C13orf42: variants seen among roughly 807,000 people sequenced by gnomAD.
C13orf42 encodes the protein uncharacterized protein C13orf42.
At chr13:51,112,433 A>G (rs1281916378), upstream of C13orf42, among the ~76,000 whole-genome samples, 1 of 152,226 alleles carries the variant, frequency 6.6e-6, no homozygotes, top group Non-Finnish European at 1.5e-5. Context: ...TGATGCAAAT[A>G]AAAACATTTT....
At chr13:51,103,832 C>A (rs1452691195) in intron 1 of C13orf42, among the ~76,000 whole-genome samples, 1 of 152,016 alleles carries the variant, frequency 6.6e-6, no homozygotes, top group East Asian at 1.9e-4. Context: ...CTAAAATGGG[C>A]AAATTCACAG....
chr13:51,136,126 G>A (rs189860451), intron 1 of C13orf42, among the ~76,000 whole-genome samples: 50 of 152,094 alleles, frequency 3.3e-4, no homozygotes, highest in African/African-American at 8.4e-4. Context: ...CCCACTGGGC[G>A]ACCCCACAAC....
chr13:51,118,587 T>G (rs1953509928), intron 1 of C13orf42, among the ~76,000 whole-genome samples: 1 of 151,932 alleles, frequency 6.6e-6, no homozygotes, highest in South Asian at 2.1e-4. Flanking sequence ...AAGGTGGTGG[T>G]TTTTTTTACA....
At chr13:51,121,944 A>T (rs1307188542) in intron 1 of C13orf42, among the ~76,000 whole-genome samples, 1 of 152,158 alleles carries the variant, frequency 6.6e-6, no homozygotes. Context: ...ATGTAAAAAG[A>T]TATTCACAAT....
At chr13:51,150,345 G>A (rs1953769126) in intron 1 of C13orf42, among the ~76,000 whole-genome samples, 2 of 152,158 alleles carry the variant, frequency 1.3e-5, no homozygotes, top group Admixed American at 6.5e-5. Flanking sequence ...TCCTACTGGG[G>A]CGACTGGGGG....
chr13:51,136,195 C>T lies in C13orf42; in HGVS notation n.137-22973G>A, dbSNP rs564287655. On this transcript the variant is annotated intron_variant and non_coding_transcript_variant, in intron 1 of 4. Coordinates refer to the C13orf42 transcript ENST00000433280. ...ACTGTGCTCCCGTTGCTGAGCTGGT[C>T]GGTGCTAGGCACTTCACTTAGATTA... Among the ~76,000 whole-genome samples, 10 of 152,264 alleles carry T rather than the reference C, an allele frequency of 6.6e-5. No homozygotes were observed. The East Asian group carries it at 1.5e-3, about 24-fold the overall frequency.
chr13:51,155,042 A>AAT (rs1040483058), intron 1 of C13orf42, among the ~76,000 whole-genome samples: 1 of 152,164 alleles, frequency 6.6e-6, no homozygotes, highest in African/African-American at 2.4e-5. Context: ...TATGTTTAGA[A>AAT]ATATATATCT....
intron 1 of C13orf42, among the ~76,000 whole-genome samples, chr13:51,137,581 G>A (rs556157928): frequency 6.6e-6 from 1 of 152,272 alleles, no homozygotes; most frequent in African/African-American, 2.4e-5. Flanking sequence ...TGGAGCCCCA[G>A]GACAGATGGA....
At chr13:51,135,889 G>A (rs999901048) in intron 1 of C13orf42, among the ~76,000 whole-genome samples, 3 of 152,108 alleles carry the variant, frequency 2.0e-5, no homozygotes, top group Non-Finnish European at 4.4e-5. Context: ...CAAAAAAATA[G>A]AAACAACTTG....
chr13:51,115,063 T>A (rs1399499934), upstream of C13orf42, among the ~76,000 whole-genome samples: 1 of 151,986 alleles, frequency 6.6e-6, no homozygotes, highest in African/African-American at 2.4e-5. Flanking sequence ...ATATGCATAT[T>A]TGCTCAATCA....
intron 3 of C13orf42, 44 bp from the exon 4 acceptor site, chr13:51,084,369 C>T (rs765550877): frequency 4.8e-5 from 19 of 398,346 alleles, no homozygotes; most frequent in East Asian, 2.9e-4. Context: ...TCGGCTTGGC[C>T]GGCCACACAG....
At chr13:51,095,965 C>G (rs1205940864) in intron 1 of C13orf42, among the ~76,000 whole-genome samples, 1 of 152,120 alleles carries the variant, frequency 6.6e-6, no homozygotes, top group Non-Finnish European at 1.5e-5. Context: ...GGTCAGTAGA[C>G]ACTGAGGTTT....
intron 2 of C13orf42, among the ~76,000 whole-genome samples, chr13:51,086,429 CA>C (rs1288443808): frequency 6.6e-6 from 1 of 150,636 alleles, no homozygotes; most frequent in Non-Finnish European, 1.5e-5. Context: ...AGTTTTATGG[CA>C]AAAAAATTAA....
rs542204624 is a variant in C13orf42, at chr13:51,086,033, G to A, written c.563-474C>T. The stretch of plus-strand genomic sequence containing the variant: ...CTCCGTCTCAAAAAAAAGGCCAGGC[G>A]TGGTGGCTCACACCTGTAATCCCAA... On this transcript the variant is annotated intron_variant, in intron 2 of 3. Coordinates refer to ENST00000563710, the MANE Select transcript of C13orf42 (RefSeq NM_001351589.3). Among the ~76,000 whole-genome samples, 53 of 151,738 alleles carry A rather than the reference G, an allele frequency of 3.5e-4. 1 individual carries two copies. The South Asian group carries it at 0.01, about 30-fold the overall frequency.
intron 1 of C13orf42, among the ~76,000 whole-genome samples, chr13:51,153,621 G>GTTTTTTGTTT (rs1953799413): frequency 9.8e-5 from 8 of 82,032 alleles, no homozygotes; most frequent in Admixed American, 2.6e-4. Context: ...CTTGCTTTCT[G>GTTTTTTGTTT]TTTTTTTTCT....
At chr13:51,156,682 A>G (rs974566506) in intron 1 of C13orf42, among the ~76,000 whole-genome samples, 2 of 152,214 alleles carry the variant, frequency 1.3e-5, no homozygotes, top group African/African-American at 4.8e-5. Flanking sequence ...AGTGGAAAAA[A>G]TCGGTATCTA....
At chr13:51,087,836 A>G (rs1471936877) in intron 2 of C13orf42, 92 bp downstream of exon 2, 1 of 397,142 alleles carries the variant, frequency 2.5e-6, no homozygotes, top group Admixed American at 4.4e-5. Flanking sequence ...CCTATTCTAT[A>G]AGTCCACCCC....
chr13:51,141,747 G>A lies in C13orf42; in HGVS notation n.137-28525C>T, dbSNP rs541603549. Reference sequence around the variant, plus strand: ...TGGGGGGCAGAGGTTGCAGTGAACCGAGATCCCACCACTGCACTCCAGCCT... The same window carrying A: ...TGGGGGGCAGAGGTTGCAGTGAACCAAGATCCCACCACTGCACTCCAGCCT... On this transcript the variant is annotated intron_variant and non_coding_transcript_variant, in intron 1 of 4. Transcript: ENST00000433280. Among the ~76,000 whole-genome samples, 191 of 151,668 alleles carry A rather than the reference G, an allele frequency of 1.3e-3. No individual in the cohort carries two copies. The Middle Eastern group carries it at 0.027, about 22-fold the overall frequency.
At chr13:51,110,268 A>G (rs962581633) in intron 1 of C13orf42, among the ~76,000 whole-genome samples, 1 of 152,220 alleles carries the variant, frequency 6.6e-6, no homozygotes, top group African/African-American at 2.4e-5. Context: ...TTGTTGAAAA[A>G]TGATTTGCTG....
Sources: allele counts gnomAD v4.1 joint callset (sites outside exome capture counted in the v4.1 genomes callset), GRCh38; gene constraint gnomAD v4.1.1; transcripts MANE v1.5; gene names NCBI Gene and HGNC (gene_info 2026-07-23, HGNC 2026-07-21).